The following RAD51B variants were observed in gnomAD, a reference collection of about 807,000 sequenced individuals.
RAD51B encodes the protein DNA repair protein RAD51 homolog 2.
Under a neutral mutation model 42.2 loss-of-function variants are expected in RAD51B, and 38 were observed. The observed-to-expected ratio is 0.90, with a 90% CI of 0.70 to 1.18. The LOEUF is 1.18. RAD51B is among the 50% of genes most tolerant of loss of function. RAD51B has a pLI of 0.00. For missense variants in RAD51B, 373 were observed against 400.7 expected, an observed-to-expected ratio of 0.93 and a Z score of 0.59; for synonymous variants, 154 against 145.2, an observed-to-expected ratio of 1.06 and a Z score of -0.43.
chr14:68,102,852 T>C (rs1162146358), intron 7 of RAD51B, among the ~76,000 whole-genome samples: 1 of 151,788 alleles, frequency 6.6e-6, no homozygotes, highest in East Asian at 1.9e-4. Context: ...CACCCAAGAG[T>C]GGGTAATTTA....
At chr14:68,373,987 C>T (rs2083312065) in intron 8 of RAD51B, among the ~76,000 whole-genome samples, 1 of 152,166 alleles carries the variant, frequency 6.6e-6, no homozygotes, top group Non-Finnish European at 1.5e-5. Context: ...AAAGAACCGA[C>T]ATTTATTGGG....
chr14:68,086,407 G>T (rs757989681), intron 7 of RAD51B, among the ~76,000 whole-genome samples: 1 of 152,150 alleles, frequency 6.6e-6, no homozygotes. Context: ...AGGATGGGGG[G>T]CGTGATGGGC....
At chr14:68,380,262 G>A (rs1399048457) in intron 8 of RAD51B, among the ~76,000 whole-genome samples, 1 of 152,184 alleles carries the variant, frequency 6.6e-6, no homozygotes, top group Non-Finnish European at 1.5e-5. Flanking sequence ...GACAGAGGCC[G>A]TTGGTCATCT....
intron 9 of RAD51B, among the ~76,000 whole-genome samples, chr14:68,418,998 TA>T (rs1465524797): frequency 1.3e-5 from 2 of 152,208 alleles, no homozygotes; most frequent in African/African-American, 4.8e-5. Context: ...TCAAGTACAG[TA>T]AATTTAAAAA....
rs2331613 is a variant in RAD51B, at chr14:68,195,198, T to A, written c.757-96686T>A. 3.2e-3 allele frequency among the ~76,000 whole-genome samples: 483 copies of A among 152,356 alleles called. 2 individuals are homozygous for A. The highest frequency in any genetic ancestry group is 0.011 in the African/African-American group (461 of 41,582). On this transcript the variant is annotated intron_variant, in intron 7 of 10. Coordinates refer to ENST00000471583, the MANE Select transcript of RAD51B (RefSeq NM_133510.4). The stretch of plus-strand genomic sequence containing the variant: ...AAACTACAATTTTAGTTAGATTTAC[T>A]ATGCCATCTTTACTCATTTGTTCAC...
intron 8 of RAD51B, among the ~76,000 whole-genome samples, chr14:68,347,979 A>G (rs2082707998): frequency 2.0e-5 from 3 of 152,208 alleles, no homozygotes; most frequent in African/African-American, 7.2e-5. Flanking sequence ...GGCCCTGAAC[A>G]TCAACAGGGC....
intron 11 of RAD51B, among the ~76,000 whole-genome samples, chr14:68,666,947 T>G (rs1032681346): frequency 5.3e-5 from 8 of 152,180 alleles, no homozygotes; most frequent in African/African-American, 1.9e-4. Context: ...GGGTTGGCCT[T>G]TTAAAGCAAC....
chr14:68,128,790 G>A (rs2077825824), intron 7 of RAD51B, among the ~76,000 whole-genome samples: 1 of 152,186 alleles, frequency 6.6e-6, no homozygotes, highest in Admixed American at 6.5e-5. Context: ...TACTAAGTTA[G>A]CATTCATAAT....
At chr14:68,106,002 G>T (rs1056029418) in intron 7 of RAD51B, among the ~76,000 whole-genome samples, 1 of 151,870 alleles carries the variant, frequency 6.6e-6, no homozygotes, top group Non-Finnish European at 1.5e-5. Flanking sequence ...TGTTATTGCG[G>T]TGTTTTAAAT....
At chr14:67,835,239 C>T in intron 4 of RAD51B, 43 bp downstream of exon 4, 3 of 1,342,512 alleles carry the variant, frequency 2.2e-6, no homozygotes, top group Non-Finnish European at 3.2e-6. Flanking sequence ...TGACCTATAA[C>T]CTTCAGAGCT....
chr14:68,140,700 C>T (rs888555982), intron 7 of RAD51B, among the ~76,000 whole-genome samples: 1 of 152,186 alleles, frequency 6.6e-6, no homozygotes, highest in Non-Finnish European at 1.5e-5. Flanking sequence ...CCTCTTCATA[C>T]CCCCTGCCAT....
intron 7 of RAD51B, among the ~76,000 whole-genome samples, chr14:68,151,481 T>G (rs941024851): frequency 2.6e-5 from 4 of 152,128 alleles, no homozygotes; most frequent in African/African-American, 9.7e-5. Flanking sequence ...TTGGCCACTA[T>G]GTTTTCAAAT....
At chr14:68,530,078 C>A (rs1429434920) in intron 10 of RAD51B, among the ~76,000 whole-genome samples, 1 of 152,104 alleles carries the variant, frequency 6.6e-6, no homozygotes, top group Non-Finnish European at 1.5e-5. Context: ...TGAAGATATA[C>A]TGAGAAGCTC....
chr14:68,632,112 ACT>A (rs1892241433), intron 10 of RAD51B, among the ~76,000 whole-genome samples: 1 of 151,642 alleles, frequency 6.6e-6, no homozygotes, highest in African/African-American at 2.4e-5. Context: ...ACACCAAGAA[ACT>A]CTTTCTTTCT....
chr14:68,315,211 C>G lies in RAD51B; in HGVS notation c.853+23231C>G, dbSNP rs117096475. On this transcript the variant is annotated intron_variant, in intron 8 of 10. Transcript: ENST00000471583. ...CTACCATGTGATTTGAAGTAAATGG[C>G]CATTTTATTTCACATTAGGAGGAGA... Among the ~76,000 whole-genome samples the G allele has an allele frequency of 2.8e-3, 425 of 152,304 alleles. 11 individuals carry two copies. The East Asian group carries it at 0.046, about 17-fold the overall frequency.
chr14:68,205,788 T>C (rs1235688081), intron 7 of RAD51B, among the ~76,000 whole-genome samples: 1 of 152,186 alleles, frequency 6.6e-6, no homozygotes, highest in East Asian at 1.9e-4. Flanking sequence ...TTCTGAGCCA[T>C]TTGAGGCTAA....
chr14:68,102,407 A>T (rs2077306228), intron 7 of RAD51B, among the ~76,000 whole-genome samples: 1 of 152,162 alleles, frequency 6.6e-6, no homozygotes, highest in South Asian at 2.1e-4. Context: ...CCAATGCCAA[A>T]CCATCTCTCT....
At chr14:68,400,242 T>G (rs1362450274) in intron 8 of RAD51B, among the ~76,000 whole-genome samples, 2 of 152,178 alleles carry the variant, frequency 1.3e-5, no homozygotes, top group Non-Finnish European at 2.9e-5. Flanking sequence ...TGTCCCAAAG[T>G]ACTTCGTTGG....
At chr14:68,012,290 T>G (rs148811661) in intron 7 of RAD51B, among the ~76,000 whole-genome samples, 8 of 152,236 alleles carry the variant, frequency 5.3e-5, no homozygotes, top group Non-Finnish European at 1.2e-4. Flanking sequence ...TAATTTAAAC[T>G]TATAGTATTA....
Sources: allele counts gnomAD v4.1 joint callset (sites outside exome capture counted in the v4.1 genomes callset), GRCh38; gene constraint gnomAD v4.1.1; transcripts MANE v1.5; gene names NCBI Gene and HGNC (gene_info 2026-07-23, HGNC 2026-07-21).